AP3B2: variants seen among roughly 807,000 people sequenced by gnomAD.
AP3B2 encodes the protein AP-3 complex subunit beta-2.
In AP3B2, 50 loss-of-function variants were observed where a neutral mutation model predicts 126.9. That is an observed-to-expected ratio of 0.39 (90% confidence interval 0.31 to 0.50). The LOEUF is 0.50. AP3B2 is among the 20% of genes least tolerant of loss of function. The pLI is 0.79. For synonymous variants in AP3B2, 541 were observed against 565.0 expected (o/e 0.96, Z 0.60); for missense variants, 1,177 against 1,426.4 (o/e 0.83, Z 2.82).
rs561595786 is a variant in AP3B2, at chr15:82,662,876, C to T, written c.2651G>A (p.Arg884Gln). The T allele has an allele frequency of 7.9e-5, 128 of 1,613,534 alleles. No homozygotes were observed. In the Middle Eastern group the frequency reaches 1.3e-3, roughly 17 times the overall value. Residue 884 changes from arginine to glutamine, a missense_variant, in exon 23 of 27, where the codon CGG (arginine) becomes CAG (glutamine). Coordinates refer to ENST00000535359, the MANE Select transcript of AP3B2 (RefSeq NM_001278512.2). ...SGVGRQELLHRVAGEGLAVDY... is the reference protein window; with the variant it reads ...SGVGRQELLHQVAGEGLAVDY... ...CACAGCCAGCCCCTCGCCAGCTACCCGGTGCAGCAGCTCCTGCCGCCCAAC... is the reference window on the plus strand; with the variant it reads ...CACAGCCAGCCCCTCGCCAGCTACCTGGTGCAGCAGCTCCTGCCGCCCAAC...
rs1443202197 is a variant in AP3B2 at position 82,661,964 on chromosome 15, A to G, written c.2919-42T>C. On this transcript the variant is annotated intron_variant, in intron 24 of 26. Coordinates refer to ENST00000535359, the MANE Select transcript of AP3B2 (RefSeq NM_001278512.2). ...GAAACGGAGAAGAATTAAGGCTGTCATCTCTCCCCTCACTTCCCACCCTGT... is the reference window on the plus strand; with the variant it reads ...GAAACGGAGAAGAATTAAGGCTGTCGTCTCTCCCCTCACTTCCCACCCTGT... 1.9e-6 allele frequency: 3 copies of G among 1,557,306 alleles called. No homozygotes were observed. The East Asian group carries it at 6.8e-5, about 35-fold the overall frequency.
In AP3B2 at chr15:82,680,346, CTA is replaced by C; in HGVS notation, c.1056-119_1056-118del. On this transcript the variant is annotated intron_variant, in intron 8 of 26. Coordinates refer to ENST00000535359, the MANE Select transcript of AP3B2 (RefSeq NM_001278512.2). This position sits in a 1 kb window ranked among gnomAD's most constrained non-coding sequence, Gnocchi z 6.1. ...GAGAGGACCAGTGCGGAGGGCAGGA[CTA>C]CGGTCAGTGTGGAGCGGGTGGGCAG... is the stretch of plus-strand genomic sequence containing the variant. 6.6e-7 allele frequency: 1 copy of C among 1,525,286 alleles called. No individual in the cohort carries two copies. The highest frequency in any genetic ancestry group is 1.8e-4 in the Middle Eastern group (1 of 5,494). The allele number at this position is 1,525,286 out of a possible 1,614,324, so 94.5% of individuals were successfully genotyped here.
intron 23 of AP3B2, chr15:82,662,458 A>C (rs1486727944): frequency 1.5e-6 from 1 of 646,600 alleles, no homozygotes; most frequent in Non-Finnish European, 2.7e-6. Flanking sequence ...ACCACATTTA[A>C]GTTAGTCCTG....
At chr15:82,688,876 C>T (rs376169127) in intron 3 of AP3B2, 45 bp from the exon 4 acceptor site, 3 of 1,519,608 alleles carry the variant, frequency 2.0e-6, no homozygotes, top group Non-Finnish European at 2.7e-6. Context: ...TCAGCAGGCA[C>T]CTGTGCCCAC....
In AP3B2 at chr15:82,666,841, G is replaced by A. The variant is rs775782827; in HGVS notation, c.1758C>T (p.Ile586=). The part of the protein sequence containing the change: ...RDRARFTRQL[I]VPSEQGGALS... ...GGGCCCCACCCTGCTCGGAAGGGAC[G>A]ATGAGCTGCCGGGTGAAGCGCGCCC... is the stretch of plus-strand genomic sequence containing the variant. The change falls in exon 15 of 27, where the codon ATC becomes ATT. Residue 586 remains isoleucine (I), a synonymous_variant. Transcript: ENST00000535359. 9.3e-6 allele frequency: 15 copies of A among 1,613,996 alleles called. No individual in the cohort carries two copies. The highest frequency in any genetic ancestry group is 1.7e-4 in the Middle Eastern group (1 of 6,060).
Position 82,691,802 on chromosome 15 carries a change from C to G in AP3B2, c.114-2349G>C, listed in dbSNP as rs1322161007. The G allele has an allele frequency of 5.4e-6, 8 of 1,485,466 alleles. No homozygotes were observed. The Admixed American group carries it at 8.4e-5, about 16-fold the overall frequency. 92.0% of individuals were successfully genotyped at this position (1,485,466 alleles called of 1,614,324 possible). ...AGAGTCACGGCCCCTTGACCCAAAC[C>G]GAGACTGTGAGTAGCCATAGCTGGT... On this transcript the variant is annotated intron_variant, in intron 1 of 26. Coordinates refer to ENST00000535359, the MANE Select transcript of AP3B2 (RefSeq NM_001278512.2).
intron 4 of AP3B2, among the ~76,000 whole-genome samples, chr15:82,683,859 T>C (rs2048384336): frequency 6.6e-6 from 1 of 152,230 alleles, no homozygotes; most frequent in Non-Finnish European, 1.5e-5. Context: ...ATTAATCTCC[T>C]TGTACCTCTC....
chr15:82,668,962 T>TA (rs939138369), intron 14 of AP3B2, among the ~76,000 whole-genome samples: 4 of 152,106 alleles, frequency 2.6e-5, no homozygotes, highest in African/African-American at 9.7e-5. Context: ...AACTGGCTGT[T>TA]AAAAAAAATT....
chr15:82,659,541 A>G lies in AP3B2; in HGVS notation c.*19T>C. 4 of 1,612,572 alleles carry G rather than the reference A, an allele frequency of 2.5e-6. No individual in the cohort carries two copies. Among genetic ancestry groups the G allele is most frequent in the Non-Finnish European group, 3.4e-6 (4 of 1,178,998 alleles). On this transcript the variant is annotated 3_prime_UTR_variant, in exon 27 of 27. Coordinates refer to ENST00000535359, the MANE Select transcript of AP3B2 (RefSeq NM_001278512.2). ...GGGGAGGTATAGATGGGAGCCAAAC[A>G]GGTCACAGCATTTGGAAGTCACTGG...
intron 1 of AP3B2, among the ~76,000 whole-genome samples, chr15:82,708,375 TG>T (rs199612290): frequency 0.026 from 3,892 of 152,266 alleles, 83 homozygotes; most frequent in Admixed American, 0.046. Context: ...GCCTGTTTGG[TG>T]GTCTCTTCAC....
At chr15:82,676,317 T>G in intron 14 of AP3B2, 144 bp downstream of exon 14, 1 of 799,950 alleles carries the variant, frequency 1.3e-6, no homozygotes, top group Non-Finnish European at 1.9e-6. Flanking sequence ...GCATTGGTTA[T>G]GTGGGCAGAC....
chr15:82,698,741 G>T (rs1242834000), intron 1 of AP3B2, among the ~76,000 whole-genome samples: 1 of 151,684 alleles, frequency 6.6e-6, no homozygotes, highest in Non-Finnish European at 1.5e-5. Flanking sequence ...TTTAACTCTG[G>T]GTATTCCCTT....
At chr15:82,683,047 G>GTTTTATTTTTTTT (rs2048368471) in intron 4 of AP3B2, among the ~76,000 whole-genome samples, 1 of 77,716 alleles carries the variant, frequency 1.3e-5, no homozygotes, top group Non-Finnish European at 2.5e-5. Flanking sequence ...TGCACCAGGA[G>GTTTTATTTTTTTT]TTTTTTTTTT....
At chr15:82,688,512 C>T (rs1368660122) in intron 4 of AP3B2, 1 of 702,670 alleles carries the variant, frequency 1.4e-6, no homozygotes, top group African/African-American at 1.7e-5. Context: ...GGAAGAGAGA[C>T]AGGGGCCCTG....
At chr15:82,688,404 G>T (rs148128981) in intron 4 of AP3B2, 12 of 702,068 alleles carry the variant, frequency 1.7e-5, no homozygotes, top group Non-Finnish European at 2.9e-5. Flanking sequence ...TTACACAAAG[G>T]GGGGTGAGGG....
intron 1 of AP3B2, among the ~76,000 whole-genome samples, chr15:82,702,696 G>A (rs1442343226): frequency 1.3e-5 from 2 of 151,636 alleles, no homozygotes; most frequent in East Asian, 1.9e-4. Context: ...AGACTCAGCC[G>A]GCCTGCAACC....
At chr15:82,671,251 C>T (rs1488709369) in intron 14 of AP3B2, among the ~76,000 whole-genome samples, 1 of 152,146 alleles carries the variant, frequency 6.6e-6, no homozygotes, top group Non-Finnish European at 1.5e-5. Context: ...CCACTGCACA[C>T]TCCAGCCTGG....
intron 1 of AP3B2, chr15:82,691,753 T>C (rs1288846796): frequency 6.3e-7 from 1 of 1,583,928 alleles, no homozygotes; most frequent in Non-Finnish European, 8.6e-7. Context: ...AGAAGTGGTG[T>C]GGGGAACCCC....
In AP3B2 at chr15:82,664,551, G is replaced by GAC; in HGVS notation, c.2138-63_2138-62dup. 6.4e-7 allele frequency: 1 copy of GAC among 1,561,038 alleles called. No homozygotes were observed. Among genetic ancestry groups the GAC allele is most frequent in the Non-Finnish European group, 8.7e-7 (1 of 1,154,206 alleles). ...TGCAGGCCTCCTTGGGTCTGGAGCA[G>GAC]ACACCTGGGTTCCACCTTCACATTC... On this transcript the variant is annotated intron_variant, in intron 18 of 26. Transcript: ENST00000535359. The surrounding 1 kb of genome is among the most constrained non-coding windows in gnomAD (Gnocchi z 4.5).
Sources: gnomAD v4.1 joint callset for allele counts (sites outside exome capture counted in the v4.1 genomes callset) on GRCh38, gnomAD v4.1.1 for gene constraint, Gnocchi (gnomAD v3.1) non-coding constraint, MANE v1.5 for transcripts, NCBI Gene and HGNC (gene_info 2026-07-23, HGNC 2026-07-21) for gene names.